Variants in PCDH15 observed in about 807,000 individuals in gnomAD.
The protein encoded by PCDH15 is protocadherin related 15, also known as protocadherin-15.
A neutral mutation model predicts 178.5 loss-of-function variants in PCDH15; 129 were observed. That is an observed-to-expected ratio of 0.72 (90% CI 0.63 to 0.84). PCDH15 has a LOEUF of 0.84. PCDH15 is among the 40% of genes least tolerant of loss of function. The pLI is 0.00. For synonymous variants in PCDH15, 800 were observed against 732.0 expected, an observed-to-expected ratio of 1.09 and a Z score of -1.50; for missense variants, 2,230 against 2,099.9, an observed-to-expected ratio of 1.06 and a Z score of -1.21.
chr10:54,200,714 C>T (rs553486179), intron 10 of PCDH15, among the ~76,000 whole-genome samples: 139 of 152,250 alleles, frequency 9.1e-4, no homozygotes, highest in South Asian at 4.8e-3. Flanking sequence ...ACGGCAACAG[C>T]TTCTCGGTTC....
chr10:54,233,161 C>T (rs2054259579), intron 9 of PCDH15, among the ~76,000 whole-genome samples: 1 of 151,956 alleles, frequency 6.6e-6, no homozygotes, highest in Non-Finnish European at 1.5e-5. Flanking sequence ...CCAGGCTGGT[C>T]TCAAACTCCA....
intron 2 of PCDH15, among the ~76,000 whole-genome samples, chr10:55,394,469 C>CT (rs1837874569): frequency 6.6e-6 from 1 of 151,898 alleles, no homozygotes; most frequent in Non-Finnish European, 1.5e-5. Context: ...CAAAAACAAA[C>CT]TACCACACCC....
chr10:55,023,486 A>G (rs1840390571), intron 2 of PCDH15, among the ~76,000 whole-genome samples: 1 of 152,200 alleles, frequency 6.6e-6, no homozygotes, highest in African/African-American at 2.4e-5. Context: ...TTACAATAAA[A>G]TAAGCATGAA....
At chr10:55,255,750 T>C (rs1320229813) in intron 1 of PCDH15, among the ~76,000 whole-genome samples, 2 of 152,232 alleles carry the variant, frequency 1.3e-5, no homozygotes, top group Non-Finnish European at 2.9e-5. Flanking sequence ...ATAAATGTCT[T>C]CTTTTGAGAA....
chr10:54,684,470 G>A (rs973439960), intron 1 of PCDH15, among the ~76,000 whole-genome samples: 5 of 152,048 alleles, frequency 3.3e-5, no homozygotes, highest in South Asian at 4.1e-4. Flanking sequence ...AGCATATGTG[G>A]CATTTAGTCA....
intron 2 of PCDH15, among the ~76,000 whole-genome samples, chr10:55,108,866 G>T (rs938946588): frequency 6.6e-6 from 1 of 152,074 alleles, no homozygotes; most frequent in Non-Finnish European, 1.5e-5. Context: ...ACATGCCCAA[G>T]TATAATTACA....
chr10:54,282,832 C>T, intron 8 of PCDH15, among the ~76,000 whole-genome samples: 1 of 151,974 alleles, frequency 6.6e-6, no homozygotes, highest in East Asian at 1.9e-4. Flanking sequence ...GAAACTTTAA[C>T]AAGTTACATA....
intron 1 of PCDH15, among the ~76,000 whole-genome samples, chr10:54,755,184 G>A (rs10128463): frequency 0.5 from 76,047 of 151,778 alleles, 19,597 homozygotes; most frequent in Middle Eastern, 0.68. Context: ...CACCTGCCTC[G>A]GCCTCCCAAA....
At chr10:55,037,775 T>C (rs1389966750) in intron 2 of PCDH15, among the ~76,000 whole-genome samples, 1 of 152,218 alleles carries the variant, frequency 6.6e-6, no homozygotes, top group Non-Finnish European at 1.5e-5. Context: ...ACAGTTACAC[T>C]ATTTTCGTTC....
chr10:55,130,157 G>A (rs376457342), intron 2 of PCDH15, among the ~76,000 whole-genome samples: 115 of 152,286 alleles, frequency 7.6e-4, no homozygotes, highest in South Asian at 7.5e-3. Flanking sequence ...GGATGTAGAT[G>A]AGGGAAGGAG....
chr10:53,929,474 A>T (rs576422929), intron 25 of PCDH15, among the ~76,000 whole-genome samples: 1 of 152,272 alleles, frequency 6.6e-6, no homozygotes, highest in African/African-American at 2.4e-5. Context: ...GTGGCCATAT[A>T]TTTGTACTAT....
intron 3 of PCDH15, among the ~76,000 whole-genome samples, chr10:54,493,699 A>G (rs968942421): frequency 5.3e-5 from 8 of 152,080 alleles, no homozygotes; most frequent in Middle Eastern, 3.2e-3. Flanking sequence ...GGGATCTAGA[A>G]CTAGAAATAC....
intron 2 of PCDH15, among the ~76,000 whole-genome samples, chr10:55,164,548 A>T (rs1353237936): frequency 6.6e-6 from 1 of 151,918 alleles, no homozygotes; most frequent in Non-Finnish European, 1.5e-5. Context: ...TAAGTAATTG[A>T]AATAAGTATT....
chr10:54,333,680 T>C (rs1261949372), intron 6 of PCDH15, among the ~76,000 whole-genome samples: 3 of 152,102 alleles, frequency 2.0e-5, no homozygotes, highest in Admixed American at 2.0e-4. Context: ...AAGTTTAGAA[T>C]GCACAAGAAT....
intron 2 of PCDH15, among the ~76,000 whole-genome samples, chr10:54,559,239 G>A (rs1352111375): frequency 1.3e-5 from 2 of 151,992 alleles, no homozygotes; most frequent in African/African-American, 4.8e-5. Context: ...CACATCCTAA[G>A]TGCTCAATAA....
intron 3 of PCDH15, among the ~76,000 whole-genome samples, chr10:54,862,534 T>A (rs536942016): frequency 3.9e-5 from 6 of 152,220 alleles, no homozygotes; most frequent in Admixed American, 3.3e-4. Flanking sequence ...CAGGTTAAAA[T>A]TTGATCCCCA....
chr10:55,264,314 G>C (rs1842225152), intron 1 of PCDH15, among the ~76,000 whole-genome samples: 1 of 152,092 alleles, frequency 6.6e-6, no homozygotes, highest in Non-Finnish European at 1.5e-5. Context: ...AATTCTTGCC[G>C]ATTAAACCCC....
intron 2 of PCDH15, among the ~76,000 whole-genome samples, chr10:55,432,113 ACCAC>A (rs111589034): frequency 2.8e-5 from 4 of 142,696 alleles, no homozygotes; most frequent in African/African-American, 8.5e-5. Flanking sequence ...ACACACACAC[ACCAC>A]AAGTCTCTCC....
At chr10:55,414,885 C>T (rs1838439377) in intron 2 of PCDH15, among the ~76,000 whole-genome samples, 1 of 150,490 alleles carries the variant, frequency 6.6e-6, no homozygotes. Flanking sequence ...GATAGTTTTA[C>T]TTCTTCCTTT....
Sources: gnomAD v4.1 joint callset for allele counts (sites outside exome capture counted in the v4.1 genomes callset) on GRCh38, gnomAD v4.1.1 for gene constraint, MANE v1.5 for transcripts, NCBI Gene and HGNC (gene_info 2026-07-23, HGNC 2026-07-21) for gene names.